TBX1: variants seen among roughly 807,000 people sequenced by gnomAD.
TBX1 encodes T-box transcription factor 1.
A neutral mutation model predicts 40.8 loss-of-function variants in TBX1; 16 were observed. That is an observed-to-expected ratio of 0.39 (90% CI 0.27 to 0.60). The LOEUF is 0.60. Ranked by LOEUF, TBX1 falls within the 20% of genes least tolerant of loss-of-function variation. The pLI, the probability that TBX1 is intolerant of heterozygous loss-of-function variation, is 0.51. For missense variants in TBX1, 755 were observed against 728.5 expected (o/e 1.04, Z -0.42); for synonymous variants, 403 against 336.8 (o/e 1.20, Z -2.15).
In TBX1 at chr22:19,765,799, C is replaced by A; in HGVS notation, c.909C>A (p.Gly303=). 6.2e-7 allele frequency: 1 copy of A among 1,611,016 alleles called. No individual in the cohort carries two copies. Among genetic ancestry groups the A allele is most frequent in the Non-Finnish European group, 8.5e-7 (1 of 1,178,956 alleles). ...LKIASNPFAK[G]FRDCDPEDWP... ...TTGCCAGCAATCCCTTCGCGAAAGG[C>A]TTCCGGGACTGTGACCCTGAGGACT... The change falls in exon 5 of 7, where the codon GGC becomes GGA. Residue 303 remains glycine, a synonymous_variant. Transcript: ENST00000649276.
downstream of TBX1, chr22:19,782,783 A>C: frequency 6.5e-7 from 1 of 1,535,468 alleles, no homozygotes; most frequent in Non-Finnish European, 8.9e-7. Context: ...CTGGGGCCTC[A>C]GCTGTCTGTG....
downstream of TBX1, among the ~76,000 whole-genome samples, chr22:19,768,439 C>T (rs1194751672): frequency 6.6e-6 from 1 of 152,172 alleles, no homozygotes; most frequent in Admixed American, 6.5e-5. Context: ...AGGGGGTCTC[C>T]AGGGGCCATC....
At chr22:19,773,800 C>CCA (rs1937025725) in intron 8 of TBX1, among the ~76,000 whole-genome samples, 1 of 152,240 alleles carries the variant, frequency 6.6e-6, no homozygotes. Flanking sequence ...CCCCTGGACA[C>CCA]CAGCGTGGTC....
downstream of TBX1, among the ~76,000 whole-genome samples, chr22:19,768,953 C>CTTTTTTT (rs36085623): frequency 7.9e-3 from 521 of 66,074 alleles, 67 homozygotes; most frequent in African/African-American, 0.023. Context: ...TGTTCGCATT[C>CTTTTTTT]TTTTTTTTTT....
rs781731042 is a variant in TBX1, at chr22:19,766,428, G to A, written c.1076G>A (p.Gly359Asp). Reference protein sequence around the residue: ...EARREFQRDAGGPAVLGDPAH... With the variant: ...EARREFQRDADGPAVLGDPAH... The stretch of plus-strand genomic sequence containing the variant: ...CGGCGAGAATTCCAGCGCGACGCGG[G>A]CGGGCCAGCAGTGCTCGGGGACCCG... Residue 359 changes from glycine to aspartate, a missense_variant, in exon 7 of 7, where the codon GGC (glycine) becomes GAC (aspartate). Physicochemically the swap from Gly to Asp is moderately conservative, Grantham distance 94. Around this residue, in one of 3 missense-constraint regions of TBX1, gnomAD observed 412 missense variants for 317.6 expected, o/e 1.30. Coordinates refer to ENST00000649276, the MANE Select transcript of TBX1 (RefSeq NM_001379200.1). 1,096 of 1,344,702 alleles carry A rather than the reference G, an allele frequency of 8.2e-4. No homozygotes were observed. The highest frequency in any genetic ancestry group is 9.9e-4 in the Non-Finnish European group (1,029 of 1,043,674). The allele number at this position is 1,344,702 out of a possible 1,614,324, so 83.3% of individuals were successfully genotyped here.
chr22:19,770,368 C>T (rs796358739), downstream of TBX1, among the ~76,000 whole-genome samples: 7 of 152,344 alleles, frequency 4.6e-5, no homozygotes, highest in East Asian at 1.9e-4. Flanking sequence ...TGCAGCTGGA[C>T]GATCCTGCAG....
chr22:19,764,908 T>G, intron 3 of TBX1, 50 bp from the exon 4 acceptor site: 2 of 1,611,032 alleles, frequency 1.2e-6, no homozygotes, highest in Non-Finnish European at 8.5e-7. Flanking sequence ...CCACCCCAGA[T>G]CCTCAGCCCA....
upstream of TBX1, among the ~76,000 whole-genome samples, chr22:19,756,986 C>G (rs41298641): frequency 6.6e-6 from 1 of 152,202 alleles, no homozygotes; most frequent in East Asian, 1.9e-4. Context: ...CCCTATCCTG[C>G]TGCGCGATGG....
chr22:19,764,127 T>A, intron 2 of TBX1, 28 bp from the exon 3 acceptor site: 1 of 1,612,060 alleles, frequency 6.2e-7, no homozygotes, highest in Non-Finnish European at 8.5e-7. Context: ...CACCTCCACA[T>A]GCACGACCCC....
intron 3 of TBX1, among the ~76,000 whole-genome samples, 198 bp downstream of exon 3, chr22:19,764,524 T>C (rs1396943233): frequency 6.6e-6 from 1 of 152,230 alleles, no homozygotes; most frequent in Non-Finnish European, 1.5e-5. Flanking sequence ...GGTGTGCCGA[T>C]GAGGAGAGCG....
intron 6 of TBX1, 125 bp downstream of exon 6, chr22:19,766,127 CCGCGGCGGCGGGCAAGCG>C (rs1936832745): frequency 1.1e-6 from 1 of 909,024 alleles, no homozygotes; most frequent in African/African-American, 1.8e-5. Flanking sequence ...TGCACAACGG[CCGCGGCGGCGGGCAAGCG>C]CGCACTCGCC....
In TBX1 at chr22:19,760,937, G is replaced by C; in HGVS notation, c.94G>C (p.Ala32Pro). Residue 32 changes from alanine to proline, a missense_variant, in exon 1 of 7, where the codon GCC (alanine) becomes CCC (proline). By Grantham distance (27) the Ala-to-Pro change is conservative. Transcript: ENST00000649276. ...FTASSLSSLG[A>P]AGGFPGAASP... ...GGCCAGCAGCCTGAGCAGCCTGGGG[G>C]CCGCGGGGGGCTTCCCGGGCGCCGC... The C allele has an allele frequency of 9.9e-7, 1 of 1,014,248 alleles. No individual in the cohort carries two copies. The highest frequency in any genetic ancestry group is 1.2e-6 in the Non-Finnish European group (1 of 845,642). 62.8% of individuals were successfully genotyped at this position (1,014,248 alleles called of 1,614,324 possible).
upstream of TBX1, among the ~76,000 whole-genome samples, chr22:19,757,786 C>T (rs1218041219): frequency 1.3e-5 from 2 of 152,234 alleles, no homozygotes; most frequent in Admixed American, 6.5e-5. Flanking sequence ...CCACACAGCA[C>T]TCCTCACTGG....
downstream of TBX1, chr22:19,779,684 T>G (rs1316080592): frequency 5.7e-6 from 4 of 705,632 alleles, no homozygotes; most frequent in Non-Finnish European, 8.4e-6. Flanking sequence ...AACTACAAGC[T>G]TAACATATCT....
At chr22:19,776,017 G>A (rs114878522) in intron 8 of TBX1, among the ~76,000 whole-genome samples, 15 of 152,220 alleles carry the variant, frequency 9.9e-5, no homozygotes, top group East Asian at 1.9e-4. Context: ...CCAAGTGCTC[G>A]GGCCCCAGGC....
chr22:19,779,341 A>G (rs1295730519), exon 9 of TBX1: 1 of 1,614,224 alleles, frequency 6.2e-7, no homozygotes, highest in Admixed American at 1.7e-5. Flanking sequence ...CCTGCCCCGC[A>G]GAGTGCCAAC....
At chr22:19,777,925 A>G (rs1395882904) in intron 8 of TBX1, among the ~76,000 whole-genome samples, 1 of 151,668 alleles carries the variant, frequency 6.6e-6, no homozygotes, top group Non-Finnish European at 1.5e-5. Flanking sequence ...ATGCCCGGCT[A>G]ATTTTTAAGT....
chr22:19,763,529 C>T, intron 2 of TBX1, 187 bp downstream of exon 2: 1 of 623,130 alleles, frequency 1.6e-6, no homozygotes, highest in Non-Finnish European at 2.9e-6. Flanking sequence ...CTACTCCATG[C>T]CCTCTCAGAA....
downstream of TBX1, among the ~76,000 whole-genome samples, chr22:19,767,662 C>A (rs1936910085): frequency 6.7e-6 from 1 of 149,132 alleles, no homozygotes; most frequent in Admixed American, 6.6e-5. Context: ...ACTTAAATTC[C>A]TCCCACCTGC....
Sources: gnomAD v4.1 joint callset for allele counts (sites outside exome capture counted in the v4.1 genomes callset) on GRCh38, gnomAD v4.1.1 for gene constraint, gnomAD v4.1.1 regional missense constraint, MANE v1.5 for transcripts, NCBI Gene and HGNC (gene_info 2026-07-23, HGNC 2026-07-21) for gene names.